The following ARHGAP10 variants were observed in gnomAD, a reference collection of about 807,000 sequenced individuals.
ARHGAP10 encodes Rho GTPase activating protein 10, also known as rho GTPase-activating protein 10.
Under a neutral mutation model 108.6 loss-of-function variants are expected in ARHGAP10, and 87 were observed. The ratio of observed to expected loss-of-function variants is 0.80; its 90% CI spans 0.67 to 0.96. ARHGAP10 has a LOEUF of 0.96. Ranked by LOEUF, ARHGAP10 falls within the 40% of genes least tolerant of loss-of-function variation. The pLI is 0.00. For synonymous variants in ARHGAP10, 347 were observed against 341.1 expected, an observed-to-expected ratio of 1.02 and a Z score of -0.19; for missense variants, 939 against 954.5, an observed-to-expected ratio of 0.98 and a Z score of 0.21.
intron 8 of ARHGAP10, among the ~76,000 whole-genome samples, chr4:147,878,808 G>A (rs1248424409): frequency 2.4e-5 from 3 of 122,666 alleles, no homozygotes; most frequent in East Asian, 2.3e-4. Flanking sequence ...TCGGAGTCTC[G>A]CTCTGTTGCC....
chr4:147,777,730 T>G (rs760430588), intron 1 of ARHGAP10, among the ~76,000 whole-genome samples: 1 of 152,220 alleles, frequency 6.6e-6, no homozygotes, highest in African/African-American at 2.4e-5. Flanking sequence ...AGGGATAGTT[T>G]CCTTCTCTAA....
At chr4:147,760,404 C>A (rs191232467) in intron 1 of ARHGAP10, among the ~76,000 whole-genome samples, 2 of 152,296 alleles carry the variant, frequency 1.3e-5, no homozygotes, top group African/African-American at 4.8e-5. Context: ...TACTTGGCAA[C>A]GTCAGGGTTT....
Position 147,736,933 on chromosome 4 carries a change from T to C in ARHGAP10, c.154+4478T>C, listed in dbSNP as rs542869633. Among the ~76,000 whole-genome samples the C allele has an allele frequency of 1.4e-4, 21 of 152,208 alleles. No homozygotes were observed. The South Asian group carries it at 2.9e-3, about 21-fold the overall frequency. ...ACGCGAAGAAGGATGGTTTTCTACT[T>C]TTCTGTATTCTCTCATGATGCCTGG... On this transcript the variant is annotated intron_variant, in intron 1 of 22. Coordinates refer to ENST00000336498, the MANE Select transcript of ARHGAP10 (RefSeq NM_024605.4).
intron 20 of ARHGAP10, among the ~76,000 whole-genome samples, chr4:148,052,426 A>G (rs1287692500): frequency 7.6e-6 from 1 of 131,882 alleles, no homozygotes; most frequent in Non-Finnish European, 1.6e-5. Flanking sequence ...CTAATTGACC[A>G]AAATGAACAT....
chr4:147,755,039 G>A (rs1729311041), intron 1 of ARHGAP10, among the ~76,000 whole-genome samples: 2 of 150,614 alleles, frequency 1.3e-5, no homozygotes, highest in East Asian at 1.9e-4. Flanking sequence ...CCGAGACTGC[G>A]CAGTTGCACT....
chr4:147,830,538 T>TG, intron 3 of ARHGAP10, among the ~76,000 whole-genome samples: 2 of 96,228 alleles, frequency 2.1e-5, no homozygotes, highest in South Asian at 3.4e-4. Context: ...TTTTTTTTGA[T>TG]GGGGGGAGCC....
chr4:147,927,773 G>A (rs932334724), intron 13 of ARHGAP10, among the ~76,000 whole-genome samples: 1 of 152,184 alleles, frequency 6.6e-6, no homozygotes. Flanking sequence ...AAGGCGCAGA[G>A]GCTGTGAGAT....
At chr4:148,006,429 T>A (rs1740956436) in intron 18 of ARHGAP10, among the ~76,000 whole-genome samples, 1 of 152,218 alleles carries the variant, frequency 6.6e-6, no homozygotes, top group African/African-American at 2.4e-5. Flanking sequence ...ATTTCCCGTC[T>A]TTTGCCTGAC....
intron 18 of ARHGAP10, among the ~76,000 whole-genome samples, chr4:148,009,227 G>T (rs1391073327): frequency 6.6e-6 from 1 of 151,860 alleles, no homozygotes. Flanking sequence ...GGCCTCCCAG[G>T]TTCAAGTGAT....
chr4:147,834,350 G>T (rs1009977126), intron 3 of ARHGAP10, among the ~76,000 whole-genome samples: 25 of 152,026 alleles, frequency 1.6e-4, no homozygotes, highest in African/African-American at 5.6e-4. Flanking sequence ...GCATCTGTAG[G>T]CCCAGCTACT....
At chr4:148,011,635 G>T (rs1741174534) in intron 18 of ARHGAP10, among the ~76,000 whole-genome samples, 1 of 152,250 alleles carries the variant, frequency 6.6e-6, no homozygotes, top group Admixed American at 6.5e-5. Context: ...AGCCTGTGCA[G>T]ATTTGGGAAA....
At chr4:147,921,241 G>A (rs1158045157) in intron 13 of ARHGAP10, among the ~76,000 whole-genome samples, 1 of 152,210 alleles carries the variant, frequency 6.6e-6, no homozygotes, top group African/African-American at 2.4e-5. Flanking sequence ...ATTTTACCTT[G>A]AAGTGTTAGT....
intron 20 of ARHGAP10, among the ~76,000 whole-genome samples, chr4:148,060,541 C>G (rs1232463409): frequency 1.3e-5 from 2 of 152,162 alleles, no homozygotes; most frequent in African/African-American, 4.8e-5. Context: ...TCTATCCAAG[C>G]AGCTACTGTG....
chr4:147,837,701 A>C (rs1450658070), intron 3 of ARHGAP10, among the ~76,000 whole-genome samples: 2 of 122,794 alleles, frequency 1.6e-5, no homozygotes, highest in Non-Finnish European at 3.2e-5. Context: ...GGATGGGACC[A>C]TCTCATTAGT....
At chr4:147,936,362 C>T (rs547358668) in intron 13 of ARHGAP10, among the ~76,000 whole-genome samples, 281 of 123,736 alleles carry the variant, frequency 2.3e-3, no homozygotes, top group Non-Finnish European at 3.3e-3. Context: ...TGCTCTGTCG[C>T]CCAGGCTGGA....
chr4:148,059,699 T>C (rs1291978000), intron 20 of ARHGAP10, among the ~76,000 whole-genome samples: 4 of 152,130 alleles, frequency 2.6e-5, no homozygotes, highest in South Asian at 2.1e-4. Flanking sequence ...TGTCAAGAAC[T>C]GTGAAGGGTC....
chr4:147,850,711 C>A (rs1461746053), intron 4 of ARHGAP10, among the ~76,000 whole-genome samples: 3 of 152,190 alleles, frequency 2.0e-5, no homozygotes, highest in Non-Finnish European at 4.4e-5. Context: ...TCAGTGAGAC[C>A]AAGAACCCAC....
chr4:147,976,856 T>C (rs928618512), intron 18 of ARHGAP10, among the ~76,000 whole-genome samples: 3 of 152,222 alleles, frequency 2.0e-5, no homozygotes, highest in East Asian at 1.9e-4. Context: ...TGGGGAAAAT[T>C]GAAGGGCTCC....
intron 13 of ARHGAP10, among the ~76,000 whole-genome samples, chr4:147,923,653 T>C (rs1363572928): frequency 6.6e-6 from 1 of 152,222 alleles, no homozygotes; most frequent in Admixed American, 6.5e-5. Flanking sequence ...CATACAAGAT[T>C]TGACAATCTT....
Sources: allele counts gnomAD v4.1 joint callset (sites outside exome capture counted in the v4.1 genomes callset), GRCh38; gene constraint gnomAD v4.1.1; transcripts MANE v1.5; gene names NCBI Gene and HGNC (gene_info 2026-07-23, HGNC 2026-07-21).